Variants in ATP13A5 observed in about 807,000 individuals in gnomAD.
The protein encoded by ATP13A5 is ATPase 13A5.
ATP13A5 carries 149 observed loss-of-function variants against 150.2 expected under a neutral mutation model. That is an observed-to-expected ratio of 0.99 (90% CI 0.87 to 1.14). The LOEUF (loss-of-function observed/expected upper bound fraction) is 1.14. Ranked by LOEUF, ATP13A5 falls within the 50% of genes most tolerant of loss-of-function variation. The pLI, the probability that ATP13A5 is intolerant of heterozygous loss-of-function variation, is 0.00. For missense variants in ATP13A5, 1,383 were observed against 1,449.3 expected, an observed-to-expected ratio of 0.95 and a Z score of 0.74; for synonymous variants, 497 against 522.2, an observed-to-expected ratio of 0.95 and a Z score of 0.66.
Position 193,310,622 on chromosome 3 carries a change from A to G in ATP13A5, c.2525+16T>C, listed in dbSNP as rs1255418006. 1.9e-6 allele frequency: 3 copies of G among 1,590,524 alleles called. No homozygotes were observed. The highest frequency in any genetic ancestry group is 2.2e-5 in the East Asian group (1 of 44,714). On this transcript the variant is annotated intron_variant, in intron 21 of 29. Coordinates refer to ENST00000342358, the MANE Select transcript of ATP13A5 (RefSeq NM_198505.4). ...GAGTTAATGAGCACACTCTTCTTTC[A>G]TGCCATGACACCTACTTTAATTTCT...
chr3:193,283,035 A>G (rs1577322628), intron 27 of ATP13A5, among the ~76,000 whole-genome samples: 1 of 152,216 alleles, frequency 6.6e-6, no homozygotes, highest in Non-Finnish European at 1.5e-5. Flanking sequence ...ATAGACTGAT[A>G]TTTAAAAACA....
At chr3:193,335,199 C>T (rs980981428) in intron 9 of ATP13A5, 100 bp from the exon 10 acceptor site, 24 of 1,080,024 alleles carry the variant, frequency 2.2e-5, no homozygotes, top group South Asian at 4.4e-5. Context: ...ACAACTAATC[C>T]GGTCTTAATG....
In ATP13A5 at chr3:193,341,343, T is replaced by C. The variant is rs767714977; in HGVS notation, c.943+2584A>G. ...TGAGTTTGATCATGGATTGAGAGAC[T>C]ATCTGAGAGTAAGAACAAAGTTTTT... On this transcript the variant is annotated intron_variant, in intron 9 of 29. Coordinates refer to ENST00000342358, the MANE Select transcript of ATP13A5 (RefSeq NM_198505.4). 5.3e-5 allele frequency among the ~76,000 whole-genome samples: 8 copies of C among 152,172 alleles called. No individual in the cohort carries two copies. In the South Asian group the frequency reaches 1.4e-3, roughly 28 times the overall value.
At chr3:193,311,752 TC>T in intron 20 of ATP13A5, 63 bp downstream of exon 20, 5 of 1,590,790 alleles carry the variant, frequency 3.1e-6, no homozygotes, top group Non-Finnish European at 4.3e-6. Context: ...TTCAATACTC[TC>T]CTCCTCCTTT....
At chr3:193,275,680 C>T (rs1167387087) in intron 29 of ATP13A5, among the ~76,000 whole-genome samples, 2 of 152,200 alleles carry the variant, frequency 1.3e-5, no homozygotes, top group East Asian at 1.9e-4. Flanking sequence ...GGTGTCTAAG[C>T]GTTTGTTGAA....
Position 193,372,705 on chromosome 3 carries a change from T to G in ATP13A5, c.63+5958A>C, listed in dbSNP as rs550547087. On this transcript the variant is annotated intron_variant, in intron 1 of 29. Coordinates refer to ENST00000342358, the MANE Select transcript of ATP13A5 (RefSeq NM_198505.4). ...AGCACATCAAATAAAGCACTTCAAT[T>G]ACTTTTTCATGTACAACTACCAAAC... is the stretch of plus-strand genomic sequence containing the variant. Among the ~76,000 whole-genome samples the G allele has an allele frequency of 3.3e-5, 5 of 152,314 alleles. No individual in the cohort carries two copies. The East Asian group carries it at 7.7e-4, about 23-fold the overall frequency.
intron 12 of ATP13A5, among the ~76,000 whole-genome samples, chr3:193,328,586 C>A (rs1205224991): frequency 1.3e-5 from 2 of 152,020 alleles, no homozygotes; most frequent in East Asian, 1.9e-4. Flanking sequence ...TGAAAATGAC[C>A]CCTTAACAAT....
Position 193,275,084 on chromosome 3 carries a change from C to T in ATP13A5, c.3615G>A (p.Leu1205=). 6.8e-6 allele frequency: 11 copies of T among 1,614,196 alleles called. No homozygotes were observed. Among genetic ancestry groups the T allele is most frequent in the Non-Finnish European group, 9.3e-6 (11 of 1,180,048 alleles). The change falls in exon 30 of 30, where the codon TTG becomes TTA. Residue 1205 remains leucine (L), a synonymous_variant. Coordinates refer to ENST00000342358, the MANE Select transcript of ATP13A5 (RefSeq NM_198505.4). ...AATGCTGTTCTGTGGGTTGGCCTCC[C>T]AATTTGAGTTTTCTTTTTGGAATCT... is the stretch of plus-strand genomic sequence containing the variant. ...HEQIPKRKLK[L]GGQPTEQHFW... is the part of the protein sequence containing the mutation.
chr3:193,372,952 T>C (rs995572638), intron 1 of ATP13A5, among the ~76,000 whole-genome samples: 5 of 152,168 alleles, frequency 3.3e-5, no homozygotes, highest in African/African-American at 4.8e-5. Context: ...CCTGATAATA[T>C]ACATGTTGAC....
intron 20 of ATP13A5, among the ~76,000 whole-genome samples, chr3:193,311,584 G>A (rs1198199922): frequency 6.6e-6 from 1 of 152,244 alleles, no homozygotes; most frequent in East Asian, 1.9e-4. Context: ...CTGGCCACAG[G>A]GGTGAGAGAA....
chr3:193,353,549 C>A (rs1428909435), intron 6 of ATP13A5, among the ~76,000 whole-genome samples: 6 of 152,052 alleles, frequency 3.9e-5, no homozygotes, highest in African/African-American at 1.2e-4. Context: ...AGCCCTAACC[C>A]CCAGTGTGAT....
chr3:193,310,231 G>A (rs933627900), intron 21 of ATP13A5, among the ~76,000 whole-genome samples: 2 of 152,124 alleles, frequency 1.3e-5, no homozygotes, highest in African/African-American at 4.8e-5. Context: ...TGTATTCCAT[G>A]GTGTGTACGT....
chr3:193,332,123 G>A (rs976824732), intron 11 of ATP13A5, among the ~76,000 whole-genome samples: 4 of 152,250 alleles, frequency 2.6e-5, no homozygotes, highest in Non-Finnish European at 5.9e-5. Flanking sequence ...GGAGGTAATC[G>A]AATCATGGGG....
intron 1 of ATP13A5, among the ~76,000 whole-genome samples, chr3:193,374,651 A>G (rs542231061): frequency 0.022 from 3,400 of 151,132 alleles, 102 homozygotes; most frequent in African/African-American, 0.068. Flanking sequence ...ACACACACAC[A>G]CACACACACA....
At chr3:193,299,240 C>T in intron 24 of ATP13A5, 37 bp from the exon 25 acceptor site, 1 of 1,507,460 alleles carries the variant, frequency 6.6e-7, no homozygotes, top group Non-Finnish European at 9.2e-7. Context: ...AATGTGGCAT[C>T]TGCCATCATA....
chr3:193,303,900 TACAC>T lies in ATP13A5; in HGVS notation c.2678+1655_2678+1658del, dbSNP rs199888384. On this transcript the variant is annotated intron_variant, in intron 23 of 29. Transcript: ENST00000342358. Reference sequence around the variant, plus strand: ...AACATGTTACACATATACATACACATACACACACACACACACACACACATAATTT... The same window carrying T: ...AACATGTTACACATATACATACACATACACACACACACACACACATAATTT... Among the ~76,000 whole-genome samples the T allele has an allele frequency of 5.2e-3, 751 of 145,672 alleles. 6 individuals are homozygous for T. Among genetic ancestry groups the T allele is most frequent in the African/African-American group, 0.017 (659 of 38,864 alleles).
chr3:193,307,489 C>G (rs1360876578), intron 21 of ATP13A5, 120 bp from the exon 22 acceptor site: 1 of 1,202,678 alleles, frequency 8.3e-7, no homozygotes, highest in African/African-American at 1.5e-5. Flanking sequence ...CCTGAACACA[C>G]CTGGAATCAG....
At chr3:193,345,839 CTG>C (rs1712315038) in intron 7 of ATP13A5, among the ~76,000 whole-genome samples, 2 of 152,200 alleles carry the variant, frequency 1.3e-5, no homozygotes, top group African/African-American at 4.8e-5. Context: ...AAGAATGAGA[CTG>C]TGAGCAGGTT....
intron 5 of ATP13A5, among the ~76,000 whole-genome samples, chr3:193,361,548 A>G (rs1011295129): frequency 1.3e-5 from 2 of 152,338 alleles, no homozygotes; most frequent in Middle Eastern, 3.4e-3. Flanking sequence ...GGTTAAGCAG[A>G]CACTCTCTCT....
Sources: gnomAD v4.1 joint callset for allele counts (sites outside exome capture counted in the v4.1 genomes callset) on GRCh38, gnomAD v4.1.1 for gene constraint, MANE v1.5 for transcripts, NCBI Gene and HGNC (gene_info 2026-07-23, HGNC 2026-07-21) for gene names.